DPYD: variants seen among roughly 807,000 people sequenced by gnomAD.
The protein encoded by DPYD is dihydropyrimidine dehydrogenase [NADP(+)].
DPYD carries 109 observed loss-of-function variants against 116.2 expected under a neutral mutation model. The ratio of observed to expected loss-of-function variants is 0.94; its 90% CI spans 0.80 to 1.10. The LOEUF (loss-of-function observed/expected upper bound fraction) is 1.10, where lower values mean the gene tolerates loss of function less well. DPYD is among the 50% of genes least tolerant of loss of function. The probability of loss-of-function intolerance (pLI) is 0.00; values close to 1 mark genes in which losing one functional copy is unlikely to be tolerated. For missense variants in DPYD, 1,302 were observed against 1,254.5 expected (o/e 1.04, Z -0.57); for synonymous variants, 440 against 432.0 (o/e 1.02, Z -0.23).
chr1:97,349,314 TC>T (rs1306577970), intron 16 of DPYD, among the ~76,000 whole-genome samples: 2 of 149,854 alleles, frequency 1.3e-5, no homozygotes, highest in African/African-American at 2.5e-5. Flanking sequence ...TAGCAATGAT[TC>T]TTTTTTTTTT....
chr1:97,413,789 C>T (rs562431373), intron 14 of DPYD, among the ~76,000 whole-genome samples: 7 of 152,102 alleles, frequency 4.6e-5, no homozygotes, highest in Admixed American at 1.3e-4. Context: ...TCAAGCTACT[C>T]GTAATTATAC....
chr1:97,551,802 T>C (rs1012632074), intron 11 of DPYD, among the ~76,000 whole-genome samples: 2 of 152,138 alleles, frequency 1.3e-5, no homozygotes, highest in East Asian at 1.9e-4. Flanking sequence ...CAACTGTGCA[T>C]TGAAAATATT....
chr1:97,252,509 A>C (rs1186728543), intron 18 of DPYD, among the ~76,000 whole-genome samples: 3 of 152,200 alleles, frequency 2.0e-5, no homozygotes, highest in Non-Finnish European at 2.9e-5. Context: ...TAAATTGTGT[A>C]TAATAATTCC....
intron 19 of DPYD, among the ~76,000 whole-genome samples, chr1:97,222,002 C>T (rs1162822961): frequency 6.6e-6 from 1 of 152,016 alleles, no homozygotes; most frequent in Non-Finnish European, 1.5e-5. Context: ...CCAATCACAA[C>T]TCATTTCAAG....
At chr1:97,723,654 G>A (rs952158776) in intron 4 of DPYD, among the ~76,000 whole-genome samples, 4 of 151,566 alleles carry the variant, frequency 2.6e-5, no homozygotes, top group African/African-American at 9.7e-5. Flanking sequence ...ATTAGGATCT[G>A]TTTATTCCCC....
At chr1:97,086,399 T>A (rs1363754294) in intron 21 of DPYD, among the ~76,000 whole-genome samples, 1 of 151,374 alleles carries the variant, frequency 6.6e-6, no homozygotes, top group Non-Finnish European at 1.5e-5. Flanking sequence ...CTGTTTGATA[T>A]AAAGTTTAAG....
At chr1:97,347,237 T>C (rs1177125544) in intron 16 of DPYD, among the ~76,000 whole-genome samples, 1 of 152,102 alleles carries the variant, frequency 6.6e-6, no homozygotes, top group South Asian at 2.1e-4. Flanking sequence ...ACTATTAAGT[T>C]TGATGTTTGC....
chr1:97,592,330 C>T (rs1374191120), intron 10 of DPYD, among the ~76,000 whole-genome samples: 1 of 152,104 alleles, frequency 6.6e-6, no homozygotes, highest in African/African-American at 2.4e-5. Context: ...AGACTACTCA[C>T]CAGTCACTGG....
At chr1:97,518,536 T>A (rs78927211) in intron 12 of DPYD, among the ~76,000 whole-genome samples, 3,448 of 152,188 alleles carry the variant, frequency 0.023, 135 homozygotes, top group African/African-American at 0.079. Flanking sequence ...CTCCCAAACC[T>A]CAATTGCAAT....
rs1017260884 is a variant in DPYD at position 97,501,478 on chromosome 1, G to T, written c.1740+14248C>A. Among the ~76,000 whole-genome samples the T allele has an allele frequency of 2.6e-5, 4 of 151,986 alleles. No homozygotes were observed. The East Asian group carries it at 7.8e-4, about 30-fold the overall frequency. ...GAACTTTGGAAGGCCAGCACAGGAG[G>T]ATCACTTGAGCCCAGAAGTTTGAGA... On this transcript the variant is annotated intron_variant, in intron 13 of 22. Coordinates refer to ENST00000370192, the MANE Select transcript of DPYD (RefSeq NM_000110.4).
intron 11 of DPYD, among the ~76,000 whole-genome samples, chr1:97,559,263 T>C (rs919951359): frequency 3.9e-5 from 6 of 152,146 alleles, no homozygotes; most frequent in African/African-American, 7.2e-5. Flanking sequence ...AAAATTCCCA[T>C]TTGCTGCATT....
At chr1:97,417,345 T>C (rs1056747959) in intron 14 of DPYD, among the ~76,000 whole-genome samples, 1 of 152,220 alleles carries the variant, frequency 6.6e-6, no homozygotes, top group Non-Finnish European at 1.5e-5. Flanking sequence ...ATTGCTTCTT[T>C]TATATCTGTA....
chr1:97,622,959 A>G (rs1355162162), intron 8 of DPYD, among the ~76,000 whole-genome samples: 2 of 152,036 alleles, frequency 1.3e-5, no homozygotes, highest in African/African-American at 4.8e-5. Flanking sequence ...GCATATGTGA[A>G]GTTGAGAAGG....
chr1:97,450,357 A>G (rs987609376), intron 13 of DPYD, 134 bp from the exon 14 acceptor site: 1 of 869,374 alleles, frequency 1.2e-6, no homozygotes, highest in African/African-American at 1.7e-5. Context: ...TTTAATATAC[A>G]TTAAATTAGA....
chr1:97,832,045 TTGTGTGTGTGTGTG>T lies in DPYD; in HGVS notation c.151-3863_151-3850del, dbSNP rs35795641. Among the ~76,000 whole-genome samples the T allele has an allele frequency of 6.4e-3, 853 of 134,008 alleles. 10 individuals carry two copies. Among genetic ancestry groups the T allele is most frequent in the African/African-American group, 0.021 (749 of 36,246 alleles). The allele number at this position is 134,008 out of a possible 152,430, so 87.9% of individuals were successfully genotyped here. On this transcript the variant is annotated intron_variant, in intron 2 of 22. Coordinates refer to ENST00000370192, the MANE Select transcript of DPYD (RefSeq NM_000110.4). ...CATTATAGCTTTAATATATAATGTATTGTGTGTGTGTGTGTGTGTGTGTGTGTGTGTGTGTGTGT... is the reference window on the plus strand; with the variant it reads ...CATTATAGCTTTAATATATAATGTATTGTGTGTGTGTGTGTGTGTGTGTGT...
intron 2 of DPYD, among the ~76,000 whole-genome samples, chr1:97,853,369 G>A (rs979583724): frequency 6.6e-6 from 1 of 152,134 alleles, no homozygotes; most frequent in Admixed American, 6.5e-5. Context: ...TCTGGGTATT[G>A]TCATACTAAG....
intron 19 of DPYD, among the ~76,000 whole-genome samples, chr1:97,227,483 C>A (rs946712997): frequency 2.6e-5 from 4 of 151,706 alleles, no homozygotes; most frequent in African/African-American, 9.7e-5. Flanking sequence ...GATTACTATG[C>A]ATTGCATGCT....
At chr1:97,913,194 A>C (rs796081860) in intron 1 of DPYD, among the ~76,000 whole-genome samples, 17 of 152,288 alleles carry the variant, frequency 1.1e-4, no homozygotes, top group African/African-American at 3.8e-4. Context: ...CTACTTCATC[A>C]GATTAAAAAA....
intron 16 of DPYD, among the ~76,000 whole-genome samples, chr1:97,345,718 A>G (rs1274113606): frequency 6.6e-6 from 1 of 151,910 alleles, no homozygotes; most frequent in Non-Finnish European, 1.5e-5. Context: ...GCTGTTATTA[A>G]CCCATTTTAC....
Sources: allele counts gnomAD v4.1 joint callset (sites outside exome capture counted in the v4.1 genomes callset), GRCh38; gene constraint gnomAD v4.1.1; transcripts MANE v1.5; gene names NCBI Gene and HGNC (gene_info 2026-07-23, HGNC 2026-07-21).